Variants in SH3BP5 observed in about 807,000 individuals in gnomAD.
The protein encoded by SH3BP5 is SH3 domain binding protein 5.
In SH3BP5, 22 loss-of-function variants were observed where a neutral mutation model predicts 43.3. That is an observed-to-expected ratio of 0.51 (90% confidence interval 0.36 to 0.73). The LOEUF (loss-of-function observed/expected upper bound fraction) is 0.73, where lower values mean the gene tolerates loss of function less well. SH3BP5 is among the 30% of genes least tolerant of loss of function. The probability of loss-of-function intolerance (pLI) is 0.00; values close to 1 mark genes in which losing one functional copy is unlikely to be tolerated. For missense variants in SH3BP5, 529 were observed against 586.9 expected (o/e 0.90, Z 1.02); for synonymous variants, 255 against 225.8 (o/e 1.13, Z -1.16).
At chr3:15,271,241 G>T (rs1696788860) in intron 3 of SH3BP5, among the ~76,000 whole-genome samples, 1 of 152,062 alleles carries the variant, frequency 6.6e-6, no homozygotes, top group Non-Finnish European at 1.5e-5. Context: ...ATCCGAGCAT[G>T]GTGGCACATG....
chr3:15,303,219 A>G (rs146220760), intron 3 of SH3BP5, among the ~76,000 whole-genome samples: 1 of 152,314 alleles, frequency 6.6e-6, no homozygotes, highest in East Asian at 1.9e-4. Flanking sequence ...GTGAACTACA[A>G]TTTGGACCAA....
intron 2 of SH3BP5, among the ~76,000 whole-genome samples, chr3:15,326,392 G>A (rs1047352703): frequency 2.0e-5 from 3 of 152,220 alleles, no homozygotes; most frequent in Non-Finnish European, 2.9e-5. Context: ...CAGCGTGAGA[G>A]CACGTTAGCA....
intron 3 of SH3BP5, chr3:15,275,640 G>T (rs1696942145): frequency 6.6e-6 from 1 of 152,194 alleles, no homozygotes; most frequent in Non-Finnish European, 1.5e-5. Context: ...TGAGGTATAA[G>T]ATGCAATACA....
intron 7 of SH3BP5, chr3:15,258,261 C>A: frequency 6.6e-6 from 1 of 152,212 alleles, no homozygotes; most frequent in East Asian, 1.9e-4. Flanking sequence ...CCAAGTCAAA[C>A]TTCTATCAGT....
intron 2 of SH3BP5, among the ~76,000 whole-genome samples, chr3:15,308,834 C>T (rs1011751): frequency 0.42 from 64,267 of 151,956 alleles, 13,882 homozygotes; most frequent in Middle Eastern, 0.53. Flanking sequence ...ACCTTTTAAC[C>T]TAGTTCTATG....
Position 15,256,994 on chromosome 3 carries a change from G to A in SH3BP5, c.1009C>T (p.Gln337Ter), listed in dbSNP as rs1192380538. Residue 337 changes from glutamine to a stop codon, truncating the protein, a stop_gained, in exon 8 of 9, where the codon CAG (glutamine) becomes TAG (stop). Transcript: ENST00000383791. LOFTEE classifies it high-confidence loss of function. The stretch of plus-strand genomic sequence containing the variant: ...CCAGGCCTCACAACCGCAGGGAACT[G>A]GTCAGGCATCTCAGACGGGCTTGTT... ...GPTSPSEMPDQFPAVVRPGSL... is the reference protein window; with the variant it reads ...GPTSPSEMPD The A allele has an allele frequency of 1.2e-6, 2 of 1,614,238 alleles. No homozygotes were observed. The highest frequency in any genetic ancestry group is 2.2e-5 in the East Asian group (1 of 44,896).
intron 2 of SH3BP5, among the ~76,000 whole-genome samples, chr3:15,305,417 C>T (rs944157820): frequency 6.6e-5 from 10 of 152,188 alleles, no homozygotes; most frequent in African/African-American, 1.7e-4. Context: ...GGGCCTTGGG[C>T]GTGGCCCTGT....
At chr3:15,281,264 C>T (rs558683263) in intron 3 of SH3BP5, among the ~76,000 whole-genome samples, 199 of 152,184 alleles carry the variant, frequency 1.3e-3, no homozygotes, top group Non-Finnish European at 2.4e-3. Flanking sequence ...CACGGTCCCC[C>T]AACAAGAACA....
chr3:15,309,296 T>C (rs907013159), intron 2 of SH3BP5, among the ~76,000 whole-genome samples: 5 of 152,038 alleles, frequency 3.3e-5, no homozygotes. Context: ...TTTTGTTTGA[T>C]TTTGTGTTTT....
chr3:15,269,931 G>A (rs1696753096), intron 3 of SH3BP5, 54 bp from the exon 4 acceptor site: 4 of 1,422,088 alleles, frequency 2.8e-6, no homozygotes, highest in Non-Finnish European at 3.8e-6. Flanking sequence ...GGCTCCCCAT[G>A]GTCCATTTTA....
At chr3:15,294,552 T>C (rs1487568600) in intron 3 of SH3BP5, among the ~76,000 whole-genome samples, 1 of 152,020 alleles carries the variant, frequency 6.6e-6, no homozygotes. Context: ...CTTCACATTC[T>C]CTTAGATTAG....
chr3:15,302,739 C>T (rs935780772), intron 3 of SH3BP5, among the ~76,000 whole-genome samples: 7 of 152,074 alleles, frequency 4.6e-5, no homozygotes, highest in Non-Finnish European at 7.4e-5. Context: ...CCCCACAGTG[C>T]ACAACACACT....
chr3:15,286,304 C>T (rs1190252595), intron 3 of SH3BP5, among the ~76,000 whole-genome samples: 1 of 152,230 alleles, frequency 6.6e-6, no homozygotes, highest in Non-Finnish European at 1.5e-5. Context: ...ACTGGTGTGG[C>T]AGGGGCTCTC....
chr3:15,325,406 T>C (rs1276790743), intron 2 of SH3BP5, among the ~76,000 whole-genome samples: 1 of 152,204 alleles, frequency 6.6e-6, no homozygotes, highest in African/African-American at 2.4e-5. Flanking sequence ...AAGCCAGGCT[T>C]AGCCCTGATG....
Position 15,331,450 on chromosome 3 carries a change from A to G in SH3BP5, c.138+821T>C, listed in dbSNP as rs555626700. 1.1e-4 allele frequency among the ~76,000 whole-genome samples: 16 copies of G among 152,052 alleles called. 1 individual carries two copies. The highest frequency in any genetic ancestry group is 2.6e-4 in the Admixed American group (4 of 15,212). On this transcript the variant is annotated intron_variant, in intron 1 of 8. Transcript: ENST00000383791. ...AAAAAATGATTTATTGAAAAGGTAG[A>G]AAAAAAACGGGCCTTAGAAAGGGAT...
chr3:15,265,715 T>G (rs1696621369), intron 4 of SH3BP5, among the ~76,000 whole-genome samples: 1 of 151,822 alleles, frequency 6.6e-6, no homozygotes, highest in South Asian at 2.1e-4. Flanking sequence ...TGCAGTGATG[T>G]GGGTCAGGTG....
chr3:15,276,374 T>C (rs1234451787), intron 3 of SH3BP5, among the ~76,000 whole-genome samples: 1 of 152,206 alleles, frequency 6.6e-6, no homozygotes. Context: ...AGCTGTTTAG[T>C]GGCCCCCCAG....
intron 2 of SH3BP5, among the ~76,000 whole-genome samples, chr3:15,320,640 A>ACACACACACACACCCC (rs373879792): frequency 3.3e-5 from 5 of 149,676 alleles, no homozygotes; most frequent in African/African-American, 9.9e-5. Flanking sequence ...ACACACACAC[A>ACACACACACACACCCC]CCCCACTACG....
chr3:15,311,361 G>C (rs965993190), intron 2 of SH3BP5, among the ~76,000 whole-genome samples: 1 of 152,042 alleles, frequency 6.6e-6, no homozygotes, highest in Non-Finnish European at 1.5e-5. Flanking sequence ...TCAGGAGTTC[G>C]AGACCAGCCT....
Sources: allele counts gnomAD v4.1 joint callset (sites outside exome capture counted in the v4.1 genomes callset), GRCh38; gene constraint gnomAD v4.1.1; transcripts MANE v1.5; gene names NCBI Gene and HGNC (gene_info 2026-07-23, HGNC 2026-07-21).